Variants in RREB1 observed in about 807,000 individuals in gnomAD.
The protein encoded by RREB1 is ras responsive element binding protein 1.
RREB1 carries 27 observed loss-of-function variants against 117.8 expected under a neutral mutation model. The ratio of observed to expected loss-of-function variants is 0.23; its 90% CI spans 0.17 to 0.32. The LOEUF is 0.32. Ranked by LOEUF, RREB1 falls within the 10% of genes least tolerant of loss-of-function variation. The probability of loss-of-function intolerance (pLI) is 1.00; values close to 1 mark genes in which losing one functional copy is unlikely to be tolerated. For missense variants in RREB1, 2,577 were observed against 2,378.2 expected, an observed-to-expected ratio of 1.08 and a Z score of -1.74; for synonymous variants, 1,298 against 1,026.7, an observed-to-expected ratio of 1.26 and a Z score of -5.05.
intron 6 of RREB1, among the ~76,000 whole-genome samples, chr6:7,203,833 A>T (rs979998094): frequency 1.3e-5 from 2 of 152,238 alleles, no homozygotes; most frequent in African/African-American, 4.8e-5. Context: ...GCTGTGGAGC[A>T]TGTGGTCTTT....
rs1458009224 is a variant in RREB1 at position 7,248,382 on chromosome 6, C to T, written c.4772-129C>T. On this transcript the variant is annotated intron_variant, in intron 12 of 12. Transcript: ENST00000379938. The stretch of plus-strand genomic sequence containing the variant: ...GTTTGCTGGTTCAAGGAAGAGGCCT[C>T]TGGCTGAGTAGGACGGAGTCCTGGC... 3 of 736,824 alleles carry T rather than the reference C, an allele frequency of 4.1e-6. No individual in the cohort carries two copies. The Admixed American group carries it at 8.2e-5, about 20-fold the overall frequency. 45.6% of individuals were successfully genotyped at this position (736,824 alleles called of 1,614,324 possible). A position where few individuals can be genotyped will look rare whatever the true frequency, so the allele number is the denominator to read the frequency against.
intron 5 of RREB1, among the ~76,000 whole-genome samples, chr6:7,187,877 T>C (rs1765168207): frequency 6.6e-6 from 1 of 152,202 alleles, no homozygotes; most frequent in Non-Finnish European, 1.5e-5. Context: ...CCTTTTTGGC[T>C]GGGTGCAGTG....
intron 1 of RREB1, among the ~76,000 whole-genome samples, chr6:7,149,986 G>T (rs1364836546): frequency 2.0e-5 from 3 of 149,554 alleles, no homozygotes; most frequent in Admixed American, 2.0e-4. Flanking sequence ...ACTGCGCCTG[G>T]CCTGGTTGGT....
rs971106387 is a variant in RREB1, at chr6:7,223,517, C to T, written c.708-2950C>T. Reference sequence around the variant, plus strand: ...CAGAGGTTGCGGTGAACCAAGATTGCGCCATTGCACTCCAGCCTGGGCAAC... The same window carrying T: ...CAGAGGTTGCGGTGAACCAAGATTGTGCCATTGCACTCCAGCCTGGGCAAC... On this transcript the variant is annotated intron_variant, in intron 8 of 12. Coordinates refer to ENST00000379938, the MANE Select transcript of RREB1 (RefSeq NM_001003699.4). Among the ~76,000 whole-genome samples the T allele has an allele frequency of 1.7e-4, 24 of 142,572 alleles. 1 individual carries two copies. The highest frequency in any genetic ancestry group is 2.1e-4 in the African/African-American group (8 of 37,534). The allele number at this position is 142,572 out of a possible 152,430, so 93.5% of individuals were successfully genotyped here. A position where few individuals can be genotyped will look rare whatever the true frequency, so the allele number is the denominator to read the frequency against.
intron 1 of RREB1, among the ~76,000 whole-genome samples, chr6:7,134,554 T>G (rs1373370283): frequency 6.6e-6 from 1 of 152,220 alleles, no homozygotes; most frequent in Admixed American, 6.5e-5. Context: ...GTGATTTTAA[T>G]TATTTTTTTA....
At chr6:7,152,232 T>C (rs1266947612) in intron 1 of RREB1, among the ~76,000 whole-genome samples, 1 of 152,226 alleles carries the variant, frequency 6.6e-6, no homozygotes, top group Admixed American at 6.5e-5. Flanking sequence ...TCTCTCAGTG[T>C]TAGCTCCTTA....
chr6:7,164,370 T>A (rs1763821883), intron 1 of RREB1, among the ~76,000 whole-genome samples: 1 of 152,138 alleles, frequency 6.6e-6, no homozygotes, highest in Non-Finnish European at 1.5e-5. Context: ...GCAAGGAAAT[T>A]TCTCCTTTCC....
At chr6:7,222,059 G>C (rs1261489336) in intron 8 of RREB1, among the ~76,000 whole-genome samples, 1 of 152,196 alleles carries the variant, frequency 6.6e-6, no homozygotes, top group Non-Finnish European at 1.5e-5. Flanking sequence ...AGAAGGAAAG[G>C]AACAGGAGAG....
rs1370459697 is a variant in RREB1, at chr6:7,250,428, C to T, written c.*1460C>T. On this transcript the variant is annotated 3_prime_UTR_variant, in exon 13 of 13. Transcript: ENST00000379938. Reference sequence around the variant, plus strand: ...GCAAAAAGGCAGGGTTATTTTTACCCATGAGCATCCTGTGCAGGCAATAGA... The same window carrying T: ...GCAAAAAGGCAGGGTTATTTTTACCTATGAGCATCCTGTGCAGGCAATAGA... The T allele has an allele frequency of 6.6e-6, 1 of 152,060 alleles. No individual in the cohort carries two copies. Among genetic ancestry groups the T allele is most frequent in the African/African-American group, 2.4e-5 (1 of 41,378 alleles). 9.4% of individuals were successfully genotyped at this position (152,060 alleles called of 1,614,324 possible).
chr6:7,131,024 C>T (rs1355390262), intron 1 of RREB1, among the ~76,000 whole-genome samples: 1 of 150,176 alleles, frequency 6.7e-6, no homozygotes, highest in Non-Finnish European at 1.5e-5. Context: ...CTGCAAGCTC[C>T]GCCTCTCGGG....
At chr6:7,189,356 C>G (rs1349598250) in intron 6 of RREB1, 34 bp downstream of exon 6, 19 of 1,537,254 alleles carry the variant, frequency 1.2e-5, no homozygotes, top group Non-Finnish European at 1.7e-5. Flanking sequence ...GGGGGGTTGG[C>G]TGGTACTTGG....
chr6:7,216,461 AGGGG>A (rs2113031933), intron 8 of RREB1: 1 of 152,344 alleles, frequency 6.6e-6, no homozygotes, highest in Admixed American at 6.5e-5. Context: ...AGGGAGCCCA[AGGGG>A]GCTCTGACAG....
intron 9 of RREB1, among the ~76,000 whole-genome samples, chr6:7,227,979 A>G (rs1561792630): frequency 6.6e-6 from 1 of 152,210 alleles, no homozygotes; most frequent in African/African-American, 2.4e-5. Context: ...AGGCATGACA[A>G]TCTCTTGAAC....
At chr6:7,149,169 C>T (rs777262490) in intron 1 of RREB1, among the ~76,000 whole-genome samples, 2 of 152,164 alleles carry the variant, frequency 1.3e-5, no homozygotes, top group Non-Finnish European at 2.9e-5. Flanking sequence ...GTGATCTGCC[C>T]GCCTTGGCCT....
intron 5 of RREB1, chr6:7,187,810 G>A (rs573165296): frequency 1.7e-5 from 3 of 176,526 alleles, no homozygotes; most frequent in Admixed American, 6.2e-5. Flanking sequence ...AGGTGGTTAT[G>A]AAATGACTTT....
At chr6:7,120,310 C>T (rs1348193027) in intron 1 of RREB1, among the ~76,000 whole-genome samples, 4 of 151,970 alleles carry the variant, frequency 2.6e-5, no homozygotes, top group South Asian at 2.1e-4. Context: ...AAACCTTAGC[C>T]GGGCATGGTG....
intron 1 of RREB1, among the ~76,000 whole-genome samples, chr6:7,147,534 G>A (rs1330764408): frequency 2.0e-5 from 3 of 152,100 alleles, no homozygotes; most frequent in South Asian, 4.2e-4. Context: ...CCCTTTCTTT[G>A]CCTTGTTTTC....
chr6:7,158,547 C>T (rs1763494607), intron 1 of RREB1, among the ~76,000 whole-genome samples: 1 of 152,162 alleles, frequency 6.6e-6, no homozygotes, highest in Admixed American at 6.5e-5. Flanking sequence ...GGTATCAGCT[C>T]CCTCCAGCCT....
At chr6:7,214,059 C>T (rs774112648) in intron 8 of RREB1, 1 of 152,236 alleles carries the variant, frequency 6.6e-6, no homozygotes. Flanking sequence ...TGAACAAGGA[C>T]CTGCTCCAGG....
Sources: gnomAD v4.1 joint callset for allele counts (sites outside exome capture counted in the v4.1 genomes callset) on GRCh38, gnomAD v4.1.1 for gene constraint, MANE v1.5 for transcripts, NCBI Gene and HGNC (gene_info 2026-07-23, HGNC 2026-07-21) for gene names.